The following TMEM181 variants were observed in gnomAD, a reference collection of about 807,000 sequenced individuals.
TMEM181 encodes the protein transmembrane protein 181.
A neutral mutation model predicts 71.9 loss-of-function variants in TMEM181; 39 were observed. The observed-to-expected ratio is 0.54, with a 90% confidence interval of 0.42 to 0.71. The LOEUF (loss-of-function observed/expected upper bound fraction) is 0.71. Ranked by LOEUF, TMEM181 falls within the 30% of genes least tolerant of loss-of-function variation. The pLI is 0.00. For missense variants in TMEM181, 595 were observed against 583.0 expected (o/e 1.02, Z -0.21); for synonymous variants, 245 against 228.8 (o/e 1.07, Z -0.64).
chr6:158,568,549 G>A (rs968939298), intron 1 of TMEM181, among the ~76,000 whole-genome samples: 4 of 152,220 alleles, frequency 2.6e-5, no homozygotes, highest in African/African-American at 9.6e-5. Flanking sequence ...CGTAGGCTGT[G>A]CATATTTTCT....
intron 4 of TMEM181, among the ~76,000 whole-genome samples, chr6:158,585,099 A>AC (rs1197951917): frequency 5.9e-5 from 9 of 151,886 alleles, no homozygotes; most frequent in Non-Finnish European, 1.2e-4. Context: ...TTTGACATAG[A>AC]CCCCCTGGGT....
chr6:158,625,272 GT>G, intron 12 of TMEM181, 66 bp downstream of exon 12: 5 of 1,419,970 alleles, frequency 3.5e-6, no homozygotes, highest in Non-Finnish European at 5.0e-6. Flanking sequence ...GGAAGAAGTG[GT>G]TGGAGTCTCC....
At chr6:158,573,630 C>G (rs1163670836) in intron 2 of TMEM181, 107 bp downstream of exon 2, 14 of 921,400 alleles carry the variant, frequency 1.5e-5, no homozygotes. Context: ...CTAAGGGCCC[C>G]AGCGTGGAGG....
At chr6:158,544,717 C>T (rs1264337617) in intron 1 of TMEM181, among the ~76,000 whole-genome samples, 1 of 152,132 alleles carries the variant, frequency 6.6e-6, no homozygotes, top group African/African-American at 2.4e-5. Flanking sequence ...TCACCCCCTC[C>T]CCTGCTCAAT....
intron 1 of TMEM181, among the ~76,000 whole-genome samples, chr6:158,549,379 A>G (rs1468714416): frequency 2.6e-5 from 4 of 152,166 alleles, no homozygotes; most frequent in Non-Finnish European, 4.4e-5. Flanking sequence ...CTCCCAAAGT[A>G]CTGGGATCAC....
chr6:158,630,145 T>C (rs141221928), intron 15 of TMEM181, among the ~76,000 whole-genome samples: 163 of 152,340 alleles, frequency 1.1e-3, no homozygotes, highest in African/African-American at 3.4e-3. Flanking sequence ...ACACTTTGAA[T>C]ACCCAAACAA....
chr6:158,545,389 T>G (rs1781494261), intron 1 of TMEM181, among the ~76,000 whole-genome samples: 1 of 152,264 alleles, frequency 6.6e-6, no homozygotes, highest in Non-Finnish European at 1.5e-5. Context: ...TCGTGGCAAG[T>G]GACGGATCTC....
intron 1 of TMEM181, among the ~76,000 whole-genome samples, chr6:158,538,435 G>T (rs528087258): frequency 6.7e-6 from 1 of 149,892 alleles, no homozygotes; most frequent in East Asian, 1.9e-4. Flanking sequence ...GATGACAGGC[G>T]TGAGCCACCA....
At chr6:158,598,508 A>G (rs2362573) in intron 6 of TMEM181, among the ~76,000 whole-genome samples, 98,410 of 151,834 alleles carry the variant, frequency 0.65, 32,756 homozygotes, top group African/African-American at 0.79. Context: ...AGTGTCTCCC[A>G]GCTTCTGAGA....
In TMEM181 at chr6:158,629,507, G is replaced by A. The variant is rs574313590; in HGVS notation, c.1193-223G>A. On this transcript the variant is annotated intron_variant, in intron 14 of 16. Coordinates refer to ENST00000684151, the MANE Select transcript of TMEM181 (RefSeq NM_001376852.1). ...GGTCCAGGTTTCCACTGATGTGAGA[G>A]GCCATAGTTCACCTGTTATTTACTG... Among the ~76,000 whole-genome samples the A allele has an allele frequency of 4.6e-5, 7 of 152,264 alleles. No homozygotes were observed. In the East Asian group the frequency reaches 1.4e-3, roughly 29 times the overall value.
At chr6:158,597,781 C>T (rs888171515) in intron 6 of TMEM181, among the ~76,000 whole-genome samples, 3 of 152,142 alleles carry the variant, frequency 2.0e-5, no homozygotes, top group African/African-American at 7.2e-5. Flanking sequence ...GTTGGGATTA[C>T]AGGTGTGAGC....
In TMEM181 at chr6:158,608,328, T is replaced by C; in HGVS notation, c.674-5T>C. On this transcript the variant is annotated splice_polypyrimidine_tract_variant and splice_region_variant and intron_variant, in intron 8 of 16. Transcript: ENST00000684151. ...CCACATGGATTTCTGCCCTTTGTGTTCCAGATCCGTTCTTCCCCCTCTCCT... is the reference window on the plus strand; with the variant it reads ...CCACATGGATTTCTGCCCTTTGTGTCCCAGATCCGTTCTTCCCCCTCTCCT... 1.2e-6 allele frequency: 2 copies of C among 1,614,180 alleles called. No homozygotes were observed. The highest frequency in any genetic ancestry group is 1.7e-6 in the Non-Finnish European group (2 of 1,180,016).
chr6:158,599,422 G>T (rs982945276), intron 6 of TMEM181, among the ~76,000 whole-genome samples: 2 of 152,226 alleles, frequency 1.3e-5, no homozygotes, highest in Non-Finnish European at 2.9e-5. Flanking sequence ...GGACCTTGAC[G>T]CAAAAGCTTG....
chr6:158,541,412 C>T (rs1365403417), intron 1 of TMEM181, among the ~76,000 whole-genome samples: 1 of 144,804 alleles, frequency 6.9e-6, no homozygotes, highest in East Asian at 2.0e-4. Context: ...AGCGAGACTC[C>T]ATCTCAAAAA....
At chr6:158,566,376 A>G (rs549016076) in intron 1 of TMEM181, among the ~76,000 whole-genome samples, 26 of 152,186 alleles carry the variant, frequency 1.7e-4, no homozygotes, top group African/African-American at 6.0e-4. Flanking sequence ...GGGAGGGGAC[A>G]GAGAGCAGTG....
intron 1 of TMEM181, among the ~76,000 whole-genome samples, chr6:158,541,638 C>T (rs1374921594): frequency 6.6e-6 from 1 of 152,178 alleles, no homozygotes; most frequent in East Asian, 1.9e-4. Flanking sequence ...GGCCAACCGT[C>T]CTTTCTGCTT....
intron 13 of TMEM181, chr6:158,626,773 C>CCT (rs2128329731): frequency 2.2e-6 from 1 of 455,562 alleles, no homozygotes. Flanking sequence ...CACATAGAGG[C>CCT]TCACTCACAC....
intron 1 of TMEM181, among the ~76,000 whole-genome samples, chr6:158,552,219 T>G (rs1781742918): frequency 6.6e-6 from 1 of 152,242 alleles, no homozygotes; most frequent in Non-Finnish European, 1.5e-5. Context: ...TCCTTTGTTT[T>G]TTTTAGGCCA....
At chr6:158,565,344 G>A (rs958375173) in intron 1 of TMEM181, among the ~76,000 whole-genome samples, 3 of 152,158 alleles carry the variant, frequency 2.0e-5, no homozygotes, top group African/African-American at 7.2e-5. Flanking sequence ...TTGGTGCCGT[G>A]GTCCCGAGGT....
Sources: allele counts gnomAD v4.1 joint callset (sites outside exome capture counted in the v4.1 genomes callset), GRCh38; gene constraint gnomAD v4.1.1; transcripts MANE v1.5; gene names NCBI Gene and HGNC (gene_info 2026-07-23, HGNC 2026-07-21).